KIAA0232: variants seen among roughly 807,000 people sequenced by gnomAD.
KIAA0232 encodes uncharacterized protein KIAA0232.
A neutral mutation model predicts 122.0 loss-of-function variants in KIAA0232; 27 were observed. The observed-to-expected ratio is 0.22, with a 90% CI of 0.16 to 0.31. KIAA0232 has a LOEUF of 0.31. Among genes scored for constraint, KIAA0232 ranks in the 10% least tolerant of loss-of-function variants. The probability of loss-of-function intolerance (pLI) is 1.00; values close to 1 mark genes in which losing one functional copy is unlikely to be tolerated. For synonymous variants in KIAA0232, 613 were observed against 587.6 expected (o/e 1.04, Z -0.63); for missense variants, 1,551 against 1,634.2 (o/e 0.95, Z 0.88).
Position 6,861,537 on chromosome 4 carries a change from C to T in KIAA0232, c.1155C>T (p.Asp385=). ...ATCCTGGGAGCACTGAAGGAAAAGACCTGTACATGGAGAATAGAAAGGACA... is the reference window on the plus strand; with the variant it reads ...ATCCTGGGAGCACTGAAGGAAAAGATCTGTACATGGAGAATAGAAAGGACA... ...RKDPGSTEGK[D]LYMENRKDTE... Residue 385 remains aspartate (D), a synonymous_variant, in exon 7 of 10, where the codon GAC becomes GAT. Transcript: ENST00000307659. The T allele has an allele frequency of 6.2e-7, 1 of 1,613,984 alleles. No individual in the cohort carries two copies. Among genetic ancestry groups the T allele is most frequent in the Non-Finnish European group, 8.5e-7 (1 of 1,180,002 alleles).
chr4:6,829,096 C>T (rs1718839533), intron 3 of KIAA0232, among the ~76,000 whole-genome samples: 1 of 152,096 alleles, frequency 6.6e-6, no homozygotes, highest in South Asian at 2.1e-4. Context: ...ATGACATGGA[C>T]ACTTTTGGAG....
At chr4:6,836,852 C>T (rs112081486) in intron 3 of KIAA0232, among the ~76,000 whole-genome samples, 56 of 152,182 alleles carry the variant, frequency 3.7e-4, no homozygotes, top group African/African-American at 1.3e-3. Context: ...TTTCAGAGAG[C>T]ACGGGGTTGG....
intron 1 of KIAA0232, among the ~76,000 whole-genome samples, chr4:6,788,487 C>T (rs772949650): frequency 1.3e-5 from 2 of 152,176 alleles, no homozygotes; most frequent in East Asian, 1.9e-4. Context: ...AGAATTAACT[C>T]ATTATTTTTC....
Position 6,840,902 on chromosome 4 carries a change from C to CA in KIAA0232, c.232-1164dup, listed in dbSNP as rs546145154. Among the ~76,000 whole-genome samples the CA allele has an allele frequency of 6.5e-4, 99 of 152,034 alleles. 2 individuals are homozygous for CA. In the South Asian group the frequency reaches 0.011, roughly 17 times the overall value. On this transcript the variant is annotated intron_variant, in intron 3 of 9. Transcript: ENST00000307659. ...GAAATATCTTGGTTCTTTTTATACT[C>CA]ATTTCTTTAAGCTGTGATTAACAAT...
At chr4:6,866,900 T>C (rs952138614) in intron 7 of KIAA0232, among the ~76,000 whole-genome samples, 6 of 152,220 alleles carry the variant, frequency 3.9e-5, no homozygotes, top group African/African-American at 1.4e-4. Flanking sequence ...ATAGGTAATT[T>C]ATTCATATGG....
Position 6,863,898 on chromosome 4 carries a change from T to C in KIAA0232, c.3516T>C (p.Ser1172=). The change falls in exon 7 of 10, where the codon TCT becomes TCC. Residue 1172 remains serine, a synonymous_variant. Transcript: ENST00000307659. ...GHYYGKSELE[S]GKFLPRLKKS... Reference sequence around the variant, plus strand: ...ACTATGGAAAATCAGAGCTTGAGTCTGGAAAATTCCTTCCCAGGTTAAAAA... The same window carrying C: ...ACTATGGAAAATCAGAGCTTGAGTCCGGAAAATTCCTTCCCAGGTTAAAAA... 1.2e-6 allele frequency: 2 copies of C among 1,614,108 alleles called. No homozygotes were observed. The highest frequency in any genetic ancestry group is 1.7e-6 in the Non-Finnish European group (2 of 1,180,014).
chr4:6,860,046 C>G (rs771668795), intron 6 of KIAA0232, among the ~76,000 whole-genome samples: 8 of 152,168 alleles, frequency 5.3e-5, no homozygotes, highest in Non-Finnish European at 1.2e-4. Context: ...TGGAATAAAT[C>G]TGGAATTTCA....
At chr4:6,865,938 A>G (rs1318287482) in intron 7 of KIAA0232, among the ~76,000 whole-genome samples, 1 of 152,156 alleles carries the variant, frequency 6.6e-6, no homozygotes, top group African/African-American at 2.4e-5. Context: ...GCTGTGGACC[A>G]TGCCTTACTT....
chr4:6,786,312 T>C (rs1284839215), intron 1 of KIAA0232, among the ~76,000 whole-genome samples: 2 of 152,220 alleles, frequency 1.3e-5, no homozygotes, highest in African/African-American at 4.8e-5. Context: ...TAAAGTTTGT[T>C]TGTTTTTGAG....
At position 6,862,038 on chromosome 4, in the gene KIAA0232, C is replaced by G; in HGVS notation, c.1656C>G (p.Cys552Trp). 1 of 1,614,146 alleles carries G rather than the reference C, an allele frequency of 6.2e-7. No homozygotes were observed. Among genetic ancestry groups the G allele is most frequent in the Non-Finnish European group, 8.5e-7 (1 of 1,180,014 alleles). The change falls in exon 7 of 10, where the codon TGC (cysteine) becomes TGG (tryptophan). Residue 552 changes from cysteine to tryptophan, a missense_variant. By Grantham distance (215) the Cys-to-Trp change is radical (BLOSUM62 -2). This residue lies in a region of KIAA0232 where 1,108 missense variants were observed against 1,154.8 expected (regional missense o/e 0.96). Transcript: ENST00000307659. ...KENTDFEAEC[C>W]IVLDGMELQG... Reference sequence around the variant, plus strand: ...ACACAGATTTTGAGGCAGAATGTTGCATAGTGTTAGATGGTATGGAGTTGC... The same window carrying G: ...ACACAGATTTTGAGGCAGAATGTTGGATAGTGTTAGATGGTATGGAGTTGC...
Position 6,881,275 on chromosome 4 carries a change from A to G in KIAA0232, c.*309A>G. The G allele has an allele frequency of 4.6e-6, 1 of 216,492 alleles. No homozygotes were observed. Among genetic ancestry groups the G allele is most frequent in the East Asian group, 9.7e-5 (1 of 10,332 alleles). 13.4% of individuals were successfully genotyped at this position (216,492 alleles called of 1,614,324 possible). A position where few individuals can be genotyped will look rare whatever the true frequency, so the allele number is the denominator to read the frequency against. On this transcript the variant is annotated 3_prime_UTR_variant, in exon 10 of 10. Coordinates refer to ENST00000307659, the MANE Select transcript of KIAA0232 (RefSeq NM_014743.3). ...TGCTTTTTGCATCTTAACTGCAGTT[A>G]ATTTTCCTTCCGACTGCGGTTATAT...
chr4:6,854,546 G>C (rs2108776770), intron 4 of KIAA0232, among the ~76,000 whole-genome samples: 1 of 152,344 alleles, frequency 6.6e-6, no homozygotes, highest in South Asian at 2.1e-4. Flanking sequence ...CATTCTGAGG[G>C]TTGCTCACTG....
At chr4:6,805,695 A>G (rs1717583399) in intron 2 of KIAA0232, among the ~76,000 whole-genome samples, 2 of 152,296 alleles carry the variant, frequency 1.3e-5, no homozygotes, top group South Asian at 4.1e-4. Context: ...TTGGTACACT[A>G]TGATATAGTA....
chr4:6,811,123 A>G (rs971825226), intron 2 of KIAA0232, among the ~76,000 whole-genome samples: 3 of 152,206 alleles, frequency 2.0e-5, no homozygotes, highest in African/African-American at 4.8e-5. Flanking sequence ...TAGATACTCA[A>G]AGGAAAAGAA....
intron 2 of KIAA0232, among the ~76,000 whole-genome samples, chr4:6,806,361 A>T (rs916984083): frequency 2.0e-5 from 3 of 152,248 alleles, no homozygotes; most frequent in African/African-American, 7.2e-5. Context: ...GGAATCAAGT[A>T]TAAGTTAGAC....
At chr4:6,793,624 A>T (rs765872473) in intron 1 of KIAA0232, among the ~76,000 whole-genome samples, 5 of 80,178 alleles carry the variant, frequency 6.2e-5, no homozygotes, top group Non-Finnish European at 1.7e-4. Context: ...CACTAGGATT[A>T]TTTGGTGCTT....
intron 4 of KIAA0232, among the ~76,000 whole-genome samples, chr4:6,848,170 T>C (rs1161481616): frequency 6.6e-6 from 1 of 152,230 alleles, no homozygotes; most frequent in African/African-American, 2.4e-5. Context: ...TTGCTTATAT[T>C]CTCACATTGA....
intron 6 of KIAA0232, among the ~76,000 whole-genome samples, chr4:6,859,342 G>GA (rs1181663597): frequency 1.3e-5 from 2 of 151,892 alleles, no homozygotes; most frequent in African/African-American, 4.8e-5. Context: ...TGAAACCTAA[G>GA]AAAAAAATAG....
chr4:6,823,861 C>A (rs1026870584), intron 2 of KIAA0232, among the ~76,000 whole-genome samples: 3 of 151,932 alleles, frequency 2.0e-5, no homozygotes, highest in African/African-American at 7.3e-5. Context: ...TTTATAAAGA[C>A]AATGTCTCAA....
Sources: allele counts gnomAD v4.1 joint callset (sites outside exome capture counted in the v4.1 genomes callset), GRCh38; gene constraint gnomAD v4.1.1; regional missense constraint gnomAD v4.1.1; transcripts MANE v1.5; gene names NCBI Gene and HGNC (gene_info 2026-07-23, HGNC 2026-07-21).